RARB: variants seen among roughly 807,000 people sequenced by gnomAD.
The protein encoded by RARB is retinoic acid receptor beta.
RARB carries 17 observed loss-of-function variants against 51.9 expected under a neutral mutation model. The observed-to-expected ratio is 0.33, with a 90% CI of 0.22 to 0.49. RARB has a LOEUF of 0.49. Ranked by LOEUF, RARB falls within the 20% of genes least tolerant of loss-of-function variation. RARB has a pLI of 0.99. For missense variants in RARB, 369 were observed against 550.8 expected (o/e 0.67, Z 3.30); for synonymous variants, 215 against 195.4 (o/e 1.10, Z -0.84).
intron 2 of RARB, among the ~76,000 whole-genome samples, chr3:24,955,424 G>C (rs905660666): frequency 7.2e-5 from 11 of 152,154 alleles, no homozygotes; most frequent in East Asian, 1.9e-4. Context: ...GGGGATAACT[G>C]TTCCCATTTA....
chr3:24,844,023 G>A (rs1238432892), intron 1 of RARB, among the ~76,000 whole-genome samples: 5 of 152,016 alleles, frequency 3.3e-5, no homozygotes. Context: ...CTTGGCACAA[G>A]TAGATCCTCA....
chr3:25,517,150 A>G lies in RARB; in HGVS notation c.448+15827A>G, dbSNP rs187043742. ...ATGTAATGTCACTTCTAAAATATCA[A>G]AACTAATGGGGTTGGTTATCTCTGC... On this transcript the variant is annotated intron_variant, in intron 3 of 7. Transcript: ENST00000330688. Among the ~76,000 whole-genome samples, 313 of 152,352 alleles carry G rather than the reference A, an allele frequency of 2.1e-3. 2 individuals are homozygous for G. The highest frequency in any genetic ancestry group is 3.7e-3 in the Non-Finnish European group (254 of 68,026).
chr3:25,426,128 T>C (rs887084843), upstream of RARB, among the ~76,000 whole-genome samples: 9 of 152,344 alleles, frequency 5.9e-5, no homozygotes, highest in Admixed American at 3.3e-4. Context: ...CAAGTAGAAA[T>C]TGGCACATAA....
intron 2 of RARB, among the ~76,000 whole-genome samples, chr3:25,042,194 G>T (rs143799040): frequency 7.2e-5 from 11 of 152,270 alleles, no homozygotes; most frequent in African/African-American, 2.6e-4. Flanking sequence ...CAAACTGATT[G>T]TAAACCGTAG....
At chr3:24,987,811 C>T (rs929425762) in intron 2 of RARB, among the ~76,000 whole-genome samples, 2 of 152,158 alleles carry the variant, frequency 1.3e-5, no homozygotes, top group Non-Finnish European at 2.9e-5. Flanking sequence ...CCTCCTGTCC[C>T]CAAAACAGAC....
At chr3:25,184,543 T>C (rs568784755) in intron 5 of RARB, among the ~76,000 whole-genome samples, 178 of 152,134 alleles carry the variant, frequency 1.2e-3, no homozygotes, top group African/African-American at 4.2e-3. Flanking sequence ...TGCAGAAAGA[T>C]AGGAAGTTGA....
chr3:25,503,609 G>A (rs1697421081), intron 3 of RARB, among the ~76,000 whole-genome samples: 1 of 152,020 alleles, frequency 6.6e-6, no homozygotes, highest in African/African-American at 2.4e-5. Context: ...TATAGAAATG[G>A]GAAGAAAATG....
At position 25,149,498 on chromosome 3, in the gene RARB, C is replaced by T. The variant is rs534716924; in HGVS notation, c.-280+17290C>T. On this transcript the variant is annotated intron_variant, in intron 4 of 11. Transcript: ENST00000383772. ...TCCATGATGGAGTGATGCTCACAAA[C>T]GCATTGCCAAAGCTGCATGGGAAAA... Among the ~76,000 whole-genome samples the T allele has an allele frequency of 9.2e-5, 14 of 152,296 alleles. No homozygotes were observed. In the East Asian group the frequency reaches 1.9e-3, roughly 21 times the overall value.
intron 3 of RARB, among the ~76,000 whole-genome samples, chr3:25,561,339 G>C (rs1016937646): frequency 6.6e-6 from 1 of 152,152 alleles, no homozygotes; most frequent in Non-Finnish European, 1.5e-5. Flanking sequence ...ATTTGGGCAC[G>C]TGTTACTGTT....
At chr3:25,257,018 G>A (rs1702883273) in intron 5 of RARB, among the ~76,000 whole-genome samples, 1 of 152,088 alleles carries the variant, frequency 6.6e-6, no homozygotes, top group Admixed American at 6.6e-5. Flanking sequence ...GACAGCCTCA[G>A]AAAAGGGTTA....
At chr3:25,336,412 A>G (rs1455668575) in intron 5 of RARB, among the ~76,000 whole-genome samples, 4 of 152,206 alleles carry the variant, frequency 2.6e-5, no homozygotes, top group Admixed American at 6.5e-5. Context: ...AGTTCAAGGC[A>G]CTTGTTAATA....
At chr3:25,115,438 A>G (rs1699669507) in intron 3 of RARB, among the ~76,000 whole-genome samples, 1 of 152,152 alleles carries the variant, frequency 6.6e-6, no homozygotes, top group Non-Finnish European at 1.5e-5. Flanking sequence ...TATATGTATT[A>G]ATATAATACA....
At chr3:25,301,913 G>A (rs568343079) in intron 5 of RARB, among the ~76,000 whole-genome samples, 1 of 152,294 alleles carries the variant, frequency 6.6e-6, no homozygotes, top group East Asian at 1.9e-4. Flanking sequence ...CCAAGTAATT[G>A]CCACTACTAA....
chr3:25,122,798 T>G (rs563795611), intron 3 of RARB, among the ~76,000 whole-genome samples: 2 of 152,258 alleles, frequency 1.3e-5, no homozygotes, highest in South Asian at 4.1e-4. Flanking sequence ...AGTCCACCCC[T>G]CTAACCACAC....
chr3:25,480,786 A>G (rs1696187632), intron 2 of RARB, among the ~76,000 whole-genome samples: 1 of 152,136 alleles, frequency 6.6e-6, no homozygotes, highest in African/African-American at 2.4e-5. Flanking sequence ...GATTTGTTAC[A>G]GTAGAGGGTG....
At chr3:25,020,345 C>T in intron 2 of RARB, 1 of 152,022 alleles carries the variant, frequency 6.6e-6, no homozygotes, top group African/African-American at 2.4e-5. Flanking sequence ...TGATACCAAA[C>T]TTAGTGTAGA....
chr3:25,210,989 C>G (rs781758054), intron 5 of RARB, among the ~76,000 whole-genome samples: 8 of 152,088 alleles, frequency 5.3e-5, no homozygotes, highest in Non-Finnish European at 1.2e-4. Context: ...CCTTCTGTGC[C>G]TCAGTTTCCT....
chr3:25,576,702 C>G (rs1390754623), intron 4 of RARB, among the ~76,000 whole-genome samples: 1 of 152,192 alleles, frequency 6.6e-6, no homozygotes. Flanking sequence ...CCTGCCCTCT[C>G]CCATTGCCCT....
chr3:25,445,952 T>A (rs1462071929), intron 1 of RARB, among the ~76,000 whole-genome samples: 1 of 152,186 alleles, frequency 6.6e-6, no homozygotes, highest in African/African-American at 2.4e-5. Flanking sequence ...AAAAAATCCA[T>A]GTAATGGATT....
Sources: gnomAD v4.1 joint callset for allele counts (sites outside exome capture counted in the v4.1 genomes callset) on GRCh38, gnomAD v4.1.1 for gene constraint, MANE v1.5 for transcripts, NCBI Gene and HGNC (gene_info 2026-07-23, HGNC 2026-07-21) for gene names.